Variants in UGT1A8 observed in about 807,000 individuals in gnomAD.
The protein encoded by UGT1A8 is UDP-glucuronosyltransferase 1A8.
UGT1A8 carries 39 observed loss-of-function variants against 45.3 expected under a neutral mutation model. The observed-to-expected ratio is 0.86, with a 90% CI of 0.67 to 1.12. The LOEUF is 1.12. Among genes scored for constraint, UGT1A8 ranks in the 50% most tolerant of loss-of-function variants. UGT1A8 has a pLI of 0.00. For synonymous variants in UGT1A8, 275 were observed against 249.2 expected (o/e 1.10, Z -0.97); for missense variants, 719 against 664.9 (o/e 1.08, Z -0.90).
At chr2:233,747,988 G>A (rs1693831821) in intron 1 of UGT1A8, 3 of 1,613,354 alleles carry the variant, frequency 1.9e-6, no homozygotes, top group Non-Finnish European at 2.5e-6. Context: ...CTGTTCCGAG[G>A]GGACTTTGTG....
intron 1 of UGT1A8, among the ~76,000 whole-genome samples, chr2:233,731,858 A>G (rs1373548311): frequency 6.6e-6 from 1 of 152,232 alleles, no homozygotes; most frequent in African/African-American, 2.4e-5. Context: ...AGGAATCGCC[A>G]CACTGTCTTC....
chr2:233,716,299 G>A (rs2076496695), intron 1 of UGT1A8, among the ~76,000 whole-genome samples: 2 of 152,196 alleles, frequency 1.3e-5, no homozygotes, highest in South Asian at 4.1e-4. Context: ...CATCTATAAA[G>A]TCTCTTCCAC....
chr2:233,762,209 C>T (rs914722298), intron 1 of UGT1A8, among the ~76,000 whole-genome samples: 1 of 152,104 alleles, frequency 6.6e-6, no homozygotes, highest in Non-Finnish European at 1.5e-5. Flanking sequence ...ATGTATTTGG[C>T]GCCCCATAAA....
intron 1 of UGT1A8, chr2:233,719,622 C>T: frequency 4.3e-6 from 7 of 1,614,034 alleles, no homozygotes; most frequent in Non-Finnish European, 5.9e-6. Flanking sequence ...CTACCCCAGG[C>T]CGATCATGCC....
At chr2:233,644,895 G>A (rs150590126) in intron 1 of UGT1A8, among the ~76,000 whole-genome samples, 32 of 152,032 alleles carry the variant, frequency 2.1e-4, no homozygotes, top group Non-Finnish European at 4.1e-4. Context: ...TTGCTAACTT[G>A]GTGTCTTCTC....
At chr2:233,635,010 C>A (rs2073254315) in intron 1 of UGT1A8, among the ~76,000 whole-genome samples, 1 of 150,926 alleles carries the variant, frequency 6.6e-6, no homozygotes. Context: ...GTGACAAAAT[C>A]TCTCAGCATT....
chr2:233,768,682 G>A (rs375377866), intron 4 of UGT1A8, among the ~76,000 whole-genome samples: 30 of 141,324 alleles, frequency 2.1e-4, no homozygotes, highest in South Asian at 1.6e-3. Flanking sequence ...CACCTCCCAC[G>A]TTCAAGCAGT....
In UGT1A8 at chr2:233,650,751, C is replaced by G. The variant is rs552820944; in HGVS notation, c.855+32189C>G. Among the ~76,000 whole-genome samples, 4 of 152,296 alleles carry G rather than the reference C, an allele frequency of 2.6e-5. No individual in the cohort carries two copies. The South Asian group carries it at 8.3e-4, about 32-fold the overall frequency. On this transcript the variant is annotated intron_variant, in intron 1 of 4. Coordinates refer to ENST00000373450, the MANE Select transcript of UGT1A8 (RefSeq NM_019076.5). ...GGCTTTTTTCCAACTGATGTCCTAT[C>G]CTTCTTAGTGCCTCAAACTAGATCC...
chr2:233,692,052 T>G (rs1388917886), intron 1 of UGT1A8: 1 of 152,078 alleles, frequency 6.6e-6, no homozygotes, highest in Non-Finnish European at 1.5e-5. Flanking sequence ...ACCCTTGCGA[T>G]TAGAGGGAAG....
intron 1 of UGT1A8, chr2:233,718,931 T>C (rs1174557586): frequency 1.9e-6 from 3 of 1,614,130 alleles, no homozygotes; most frequent in Admixed American, 1.7e-5. Context: ...TGCCCACTGA[T>C]GGCAGCCCCT....
At chr2:233,703,821 T>A (rs553950100) in intron 1 of UGT1A8, among the ~76,000 whole-genome samples, 1 of 152,292 alleles carries the variant, frequency 6.6e-6, no homozygotes, top group African/African-American at 2.4e-5. Context: ...GTCTTTTAAT[T>A]GAGTTGTTTA....
chr2:233,687,657 C>T (rs1575438647), intron 1 of UGT1A8, among the ~76,000 whole-genome samples: 1 of 149,950 alleles, frequency 6.7e-6, no homozygotes, highest in Non-Finnish European at 1.5e-5. Context: ...AATCACAGCA[C>T]TTTAGGAGGC....
chr2:233,655,054 A>T (rs541096833), intron 1 of UGT1A8, among the ~76,000 whole-genome samples: 35 of 152,206 alleles, frequency 2.3e-4, no homozygotes, highest in African/African-American at 8.4e-4. Flanking sequence ...ATACCACTGC[A>T]CTCCAGCCTG....
chr2:233,730,543 T>G (rs1559376026), intron 1 of UGT1A8, among the ~76,000 whole-genome samples: 2 of 152,132 alleles, frequency 1.3e-5, no homozygotes, highest in African/African-American at 2.4e-5. Flanking sequence ...GGGATGGATG[T>G]CTGTGATTAG....
intron 1 of UGT1A8, among the ~76,000 whole-genome samples, chr2:233,666,848 G>C (rs2074088066): frequency 7.1e-6 from 1 of 139,968 alleles, no homozygotes; most frequent in African/African-American, 2.7e-5. Context: ...ACCTTCCTGT[G>C]TCCATGTGTT....
chr2:233,737,721 C>CT (rs1222184655), intron 1 of UGT1A8, among the ~76,000 whole-genome samples: 6 of 151,320 alleles, frequency 4.0e-5, no homozygotes, highest in Non-Finnish European at 7.4e-5. Context: ...CCAACACCTC[C>CT]TTTTTTTTTC....
chr2:233,666,219 G>A (rs2074072897), intron 1 of UGT1A8, among the ~76,000 whole-genome samples: 1 of 152,150 alleles, frequency 6.6e-6, no homozygotes, highest in Non-Finnish European at 1.5e-5. Flanking sequence ...TAGATGGGAA[G>A]TTCACTCATT....
intron 1 of UGT1A8, among the ~76,000 whole-genome samples, chr2:233,725,558 CAT>C (rs771607724): frequency 6.6e-6 from 1 of 152,212 alleles, no homozygotes; most frequent in Middle Eastern, 3.4e-3. Context: ...ATCCTTTCAA[CAT>C]ATATTCGATA....
chr2:233,668,487 G>C (rs1416248358), intron 1 of UGT1A8, among the ~76,000 whole-genome samples: 2 of 152,136 alleles, frequency 1.3e-5, no homozygotes, highest in Non-Finnish European at 2.9e-5. Context: ...CCAAGTCTTT[G>C]CTTTTGTGAA....
Sources: allele counts gnomAD v4.1 joint callset (sites outside exome capture counted in the v4.1 genomes callset), GRCh38; gene constraint gnomAD v4.1.1; transcripts MANE v1.5; gene names NCBI Gene and HGNC (gene_info 2026-07-23, HGNC 2026-07-21).